The following TENM2 variants were observed in gnomAD, a reference collection of about 807,000 sequenced individuals.
The protein encoded by TENM2 is teneurin-2.
A neutral mutation model predicts 245.2 loss-of-function variants in TENM2; 52 were observed. The ratio of observed to expected loss-of-function variants is 0.21; its 90% CI spans 0.17 to 0.27. The LOEUF is 0.27. Ranked by LOEUF, TENM2 falls within the 10% of genes least tolerant of loss-of-function variation. The probability of loss-of-function intolerance (pLI) is 1.00; values close to 1 mark genes in which losing one functional copy is unlikely to be tolerated. For synonymous variants in TENM2, 1,363 were observed against 1,438.9 expected (o/e 0.95, Z 1.19); for missense variants, 3,046 against 3,666.8 (o/e 0.83, Z 4.37).
At chr5:167,079,756 T>C in the TENM2 span, among the ~76,000 whole-genome samples, 1 of 152,230 alleles carries the variant, frequency 6.6e-6, no homozygotes. Flanking sequence ...AAAGCCCAAA[T>C]TGAAATGTGT....
chr5:167,777,691 A>C (rs1763907791), intron 2 of TENM2, among the ~76,000 whole-genome samples: 1 of 152,246 alleles, frequency 6.6e-6, no homozygotes, highest in Non-Finnish European at 1.5e-5. Flanking sequence ...AGCACATAAA[A>C]ATCTTAGAAG....
intron 13 of TENM2, among the ~76,000 whole-genome samples, chr5:168,172,114 A>T (rs1758892118): frequency 6.6e-6 from 1 of 152,146 alleles, no homozygotes; most frequent in Non-Finnish European, 1.5e-5. Context: ...GGTGGTGGGG[A>T]GGTGGGGAGG....
At chr5:168,031,766 A>G (rs1462051553) in intron 5 of TENM2, among the ~76,000 whole-genome samples, 2 of 137,372 alleles carry the variant, frequency 1.5e-5, no homozygotes, top group African/African-American at 5.3e-5. Flanking sequence ...GAAAGGAGGA[A>G]GGGAAGGAGG....
chr5:168,228,357 C>G (rs1257209583), intron 25 of TENM2, among the ~76,000 whole-genome samples: 1 of 152,192 alleles, frequency 6.6e-6, no homozygotes, highest in African/African-American at 2.4e-5. Flanking sequence ...GGACTCATAC[C>G]TTGGGAAAAA....
At chr5:167,990,676 G>A (rs1364854857) in intron 4 of TENM2, among the ~76,000 whole-genome samples, 1 of 152,110 alleles carries the variant, frequency 6.6e-6, no homozygotes, top group African/African-American at 2.4e-5. Flanking sequence ...TTAAAAAAGA[G>A]CCATTGGACA....
intron 2 of TENM2, among the ~76,000 whole-genome samples, chr5:167,542,524 G>A (rs976591068): frequency 2.0e-5 from 3 of 152,152 alleles, no homozygotes; most frequent in Admixed American, 2.0e-4. Flanking sequence ...GAATCCAAAT[G>A]TTAGTGAACC....
chr5:167,861,700 C>T (rs1401281289), intron 2 of TENM2, among the ~76,000 whole-genome samples: 1 of 152,154 alleles, frequency 6.6e-6, no homozygotes, highest in East Asian at 1.9e-4. Flanking sequence ...AACTCTGGCT[C>T]AGAGAAACCT....
intron 2 of TENM2, among the ~76,000 whole-genome samples, chr5:167,614,988 A>G (rs1338780456): frequency 6.6e-6 from 1 of 151,904 alleles, no homozygotes; most frequent in Non-Finnish European, 1.5e-5. Flanking sequence ...ACTTTATCTC[A>G]CTGTGGGGGT....
At chr5:167,702,248 A>G (rs1481311374) in intron 2 of TENM2, among the ~76,000 whole-genome samples, 1 of 152,218 alleles carries the variant, frequency 6.6e-6, no homozygotes, top group Non-Finnish European at 1.5e-5. Context: ...TCAGTTACAC[A>G]AATGAAATAA....
At chr5:167,324,448 T>G (rs184073278) in intron 1 of TENM2, among the ~76,000 whole-genome samples, 1 of 152,182 alleles carries the variant, frequency 6.6e-6, no homozygotes, top group South Asian at 2.1e-4. Flanking sequence ...TTTCAAAATA[T>G]TTTAATCCAT....
chr5:167,858,508 C>A (rs779176314), intron 2 of TENM2, among the ~76,000 whole-genome samples: 5 of 152,214 alleles, frequency 3.3e-5, no homozygotes, highest in Non-Finnish European at 7.3e-5. Context: ...GGCTTCTTTC[C>A]TGGCAACTAT....
chr5:167,817,671 T>A lies in TENM2; in HGVS notation c.503-58315T>A, dbSNP rs148627666. Among the ~76,000 whole-genome samples, 5 of 152,252 alleles carry A rather than the reference T, an allele frequency of 3.3e-5. No individual in the cohort carries two copies. The East Asian group carries it at 9.7e-4, about 29-fold the overall frequency. On this transcript the variant is annotated intron_variant, in intron 2 of 28. Coordinates refer to ENST00000518659, the Ensembl canonical transcript of TENM2. ...AAAAAAAAATATGTTCAGTAAAAAG[T>A]TAAATATGGGTCATGTAAGCTCAGT...
chr5:167,612,535 A>T (rs963510051), intron 2 of TENM2, among the ~76,000 whole-genome samples: 1 of 152,118 alleles, frequency 6.6e-6, no homozygotes, highest in African/African-American at 2.4e-5. Flanking sequence ...TATATTCAAT[A>T]TATTTGAAAC....
intron 2 of TENM2, among the ~76,000 whole-genome samples, chr5:167,401,435 C>A: frequency 6.6e-6 from 1 of 152,020 alleles, no homozygotes; most frequent in South Asian, 2.1e-4. Context: ...CATGAGCAGC[C>A]AGTAAGATTC....
intron 1 of TENM2, among the ~76,000 whole-genome samples, chr5:167,321,880 A>G (rs1756769229): frequency 7.3e-6 from 1 of 136,748 alleles, no homozygotes; most frequent in Non-Finnish European, 1.5e-5. Flanking sequence ...TGTAACTCAG[A>G]TCTCGGTTGC....
At chr5:167,336,656 C>T (rs1757773936) in intron 1 of TENM2, among the ~76,000 whole-genome samples, 1 of 151,986 alleles carries the variant, frequency 6.6e-6, no homozygotes, top group African/African-American at 2.4e-5. Context: ...AACTCCCTGT[C>T]TTATCATACC....
At chr5:167,465,832 AAAAGAAAG>A (rs1554160713) in intron 2 of TENM2, among the ~76,000 whole-genome samples, 1 of 151,554 alleles carries the variant, frequency 6.6e-6, no homozygotes, top group Non-Finnish European at 1.5e-5. Flanking sequence ...CTGTCTCAAA[AAAAGAAAG>A]AAAGAAAGAA....
the TENM2 span, among the ~76,000 whole-genome samples, chr5:167,114,053 C>T: frequency 2.6e-5 from 4 of 152,172 alleles, no homozygotes; most frequent in Non-Finnish European, 4.4e-5. Context: ...TAGACCTAAA[C>T]AATGGACCTC....
chr5:168,096,988 A>T (rs532323042), intron 8 of TENM2, among the ~76,000 whole-genome samples: 57 of 152,354 alleles, frequency 3.7e-4, no homozygotes, highest in Non-Finnish European at 7.6e-4. Flanking sequence ...AAATCACAAG[A>T]TAAGACGGTG....
Sources: gnomAD v4.1 joint callset for allele counts (sites outside exome capture counted in the v4.1 genomes callset) on GRCh38, gnomAD v4.1.1 for gene constraint, MANE v1.5 for transcripts, NCBI Gene and HGNC (gene_info 2026-07-23, HGNC 2026-07-21) for gene names.